Variants in MINDY4 observed in about 807,000 individuals in gnomAD.
The protein encoded by MINDY4 is probable ubiquitin carboxyl-terminal hydrolase MINDY-4.
MINDY4 carries 68 observed loss-of-function variants against 87.0 expected under a neutral mutation model. That is an observed-to-expected ratio of 0.78 (90% confidence interval 0.64 to 0.96). The LOEUF (loss-of-function observed/expected upper bound fraction) is 0.96. Among genes scored for constraint, MINDY4 ranks in the 40% least tolerant of loss-of-function variants. The pLI, the probability that MINDY4 is intolerant of heterozygous loss-of-function variation, is 0.00. For missense variants in MINDY4, 919 were observed against 928.2 expected (o/e 0.99, Z 0.13); for synonymous variants, 379 against 363.2 (o/e 1.04, Z -0.50).
intron 15 of MINDY4, among the ~76,000 whole-genome samples, chr7:30,877,421 C>T (rs1011378966): frequency 2.6e-5 from 4 of 152,330 alleles, no homozygotes; most frequent in African/African-American, 9.6e-5. Context: ...AACCATCTCC[C>T]CTCCTCGTGG....
intron 5 of MINDY4, among the ~76,000 whole-genome samples, chr7:30,804,038 T>A (rs1430241941): frequency 6.6e-6 from 1 of 152,202 alleles, no homozygotes; most frequent in East Asian, 1.9e-4. Flanking sequence ...CCTTCCCTCA[T>A]GACTCTTGGG....
At chr7:30,786,177 T>A in intron 4 of MINDY4, 185 bp downstream of exon 4, 1 of 732,422 alleles carries the variant, frequency 1.4e-6, no homozygotes, top group Non-Finnish European at 2.2e-6. Flanking sequence ...CGTGGGGCCT[T>A]GAGCAGGCCT....
At chr7:30,865,508 C>T (rs1789906428) in intron 13 of MINDY4, among the ~76,000 whole-genome samples, 1 of 152,226 alleles carries the variant, frequency 6.6e-6, no homozygotes, top group South Asian at 2.1e-4. Context: ...TCTCCCTGGT[C>T]CCGTCCCTGG....
At chr7:30,796,031 G>T (rs1348631297) in intron 5 of MINDY4, among the ~76,000 whole-genome samples, 2 of 152,148 alleles carry the variant, frequency 1.3e-5, no homozygotes, top group African/African-American at 4.8e-5. Context: ...AACACATTCA[G>T]GGGGTCTGGG....
intron 1 of MINDY4, among the ~76,000 whole-genome samples, chr7:30,776,537 A>G (rs769193223): frequency 2.0e-5 from 3 of 152,060 alleles, no homozygotes; most frequent in Non-Finnish European, 4.4e-5. Context: ...CTCTCCCCCT[A>G]TAGAGTGCAA....
At chr7:30,813,662 G>A (rs1240028393) in intron 5 of MINDY4, among the ~76,000 whole-genome samples, 3 of 152,212 alleles carry the variant, frequency 2.0e-5, no homozygotes, top group Non-Finnish European at 2.9e-5. Flanking sequence ...CTGGCAGGCC[G>A]GCTCAGGGAC....
intron 12 of MINDY4, chr7:30,858,322 A>G (rs1789641652): frequency 6.6e-6 from 1 of 152,172 alleles, no homozygotes. Context: ...AATGCTTTAT[A>G]AGGATTAACT....
intron 5 of MINDY4, among the ~76,000 whole-genome samples, chr7:30,816,502 A>G (rs985025201): frequency 4.6e-5 from 7 of 152,226 alleles, no homozygotes; most frequent in African/African-American, 1.7e-4. Flanking sequence ...CCCCGACAGA[A>G]CAATGGCTTA....
chr7:30,892,115 A>G lies in MINDY4; in HGVS notation c.*110A>G. 1.7e-6 allele frequency: 2 copies of G among 1,198,890 alleles called. No individual in the cohort carries two copies. The highest frequency in any genetic ancestry group is 2.5e-5 in the South Asian group (2 of 81,576). 74.3% of individuals were successfully genotyped at this position (1,198,890 alleles called of 1,614,324 possible). On this transcript the variant is annotated 3_prime_UTR_variant, in exon 18 of 18. Coordinates refer to ENST00000265299, the MANE Select transcript of MINDY4 (RefSeq NM_032222.3). ...GGTCTCATGTACCCCAACCTGGGTC[A>G]GCATGACTGCAGAAGCATCCAGAGC...
Position 30,791,538 on chromosome 7 carries a change from C to G in MINDY4, c.1037C>G (p.Ala346Gly). Residue 346 changes from alanine (A) to glycine (G), a missense_variant, in exon 5 of 18, where the codon GCG (alanine) becomes GGG (glycine). Ala to Gly is a moderately conservative substitution (Grantham distance 60, BLOSUM62 0). Transcript: ENST00000265299. ...ATGACCCAGGAGAGGCTGGAAAGAGCGTTCAAACGGCAGGGCAGCCAGCCC... is the reference window on the plus strand; with the variant it reads ...ATGACCCAGGAGAGGCTGGAAAGAGGGTTCAAACGGCAGGGCAGCCAGCCC... ...SRMTQERLERAFKRQGSQPAP... is the reference protein window; with the variant it reads ...SRMTQERLERGFKRQGSQPAP... 2.5e-6 allele frequency: 4 copies of G among 1,613,354 alleles called. No homozygotes were observed. The highest frequency in any genetic ancestry group is 3.4e-6 in the Non-Finnish European group (4 of 1,179,548).
At chr7:30,853,976 G>GC (rs112867962) in intron 12 of MINDY4, among the ~76,000 whole-genome samples, 17,171 of 151,962 alleles carry the variant, frequency 0.11, 1,093 homozygotes, top group Middle Eastern at 0.18. Flanking sequence ...GGGCTCTGGA[G>GC]CCCCCCCGCC....
At chr7:30,832,551 G>A (rs768071286) in intron 6 of MINDY4, among the ~76,000 whole-genome samples, 2 of 152,088 alleles carry the variant, frequency 1.3e-5, no homozygotes, top group African/African-American at 2.4e-5. Context: ...TGCCCAGGCT[G>A]GAGTGCAGTG....
At chr7:30,805,517 G>A (rs1230791300) in intron 5 of MINDY4, among the ~76,000 whole-genome samples, 1 of 152,186 alleles carries the variant, frequency 6.6e-6, no homozygotes. Flanking sequence ...CACGTGCTTG[G>A]TGTGGGGCAG....
intron 9 of MINDY4, among the ~76,000 whole-genome samples, chr7:30,845,486 T>G (rs554406010): frequency 6.6e-6 from 1 of 150,504 alleles, no homozygotes; most frequent in Non-Finnish European, 1.5e-5. Flanking sequence ...CTTTTGACTC[T>G]GAAATTCTAG....
chr7:30,848,844 A>G (rs1253779951), intron 9 of MINDY4, among the ~76,000 whole-genome samples: 1 of 152,204 alleles, frequency 6.6e-6, no homozygotes, highest in Non-Finnish European at 1.5e-5. Context: ...TCACTTTCAT[A>G]TTAGATGTTG....
At position 30,782,189 on chromosome 7, in the gene MINDY4, A is replaced by T; in HGVS notation, c.396A>T (p.Ser132=). 1 of 1,612,682 alleles carries T rather than the reference A, an allele frequency of 6.2e-7. No homozygotes were observed. Among genetic ancestry groups the T allele is most frequent in the Non-Finnish European group, 8.5e-7 (1 of 1,179,294 alleles). ...ATGAAGATGCAGGATGGAGAACATC[A>T]TTGTCAGAAACAAGCAAAGCCAGGT... ...LSDEDAGWRT[S]LSETSKARHD... The change falls in exon 3 of 18, where the codon TCA becomes TCT. Residue 132 remains serine (S), a synonymous_variant. Coordinates refer to ENST00000265299, the MANE Select transcript of MINDY4 (RefSeq NM_032222.3).
chr7:30,883,351 G>T (rs1562566519), intron 17 of MINDY4, among the ~76,000 whole-genome samples: 1 of 152,222 alleles, frequency 6.6e-6, no homozygotes, highest in Non-Finnish European at 1.5e-5. Flanking sequence ...TTACCTGAGG[G>T]TGGGGGAGGC....
rs28663287 is a variant in MINDY4 at position 30,775,456 on chromosome 7, C to T, written c.64-2976C>T. Among the ~76,000 whole-genome samples, 842 of 152,304 alleles carry T rather than the reference C, an allele frequency of 5.5e-3. 8 individuals are homozygous for T. The highest frequency in any genetic ancestry group is 0.019 in the African/African-American group (802 of 41,566). ...GTGGAGGGTCATGGAACTTCTGTGC[C>T]GTCTTCAGCATGCTGCCCTCCCAGC... On this transcript the variant is annotated intron_variant, in intron 1 of 17. Transcript: ENST00000265299.
intron 3 of MINDY4, among the ~76,000 whole-genome samples, chr7:30,784,750 C>A: frequency 6.6e-6 from 1 of 152,288 alleles, no homozygotes. Context: ...CAGGCTGGTT[C>A]CAGCCTCTTC....
Sources: gnomAD v4.1 joint callset for allele counts (sites outside exome capture counted in the v4.1 genomes callset) on GRCh38, gnomAD v4.1.1 for gene constraint, MANE v1.5 for transcripts, NCBI Gene and HGNC (gene_info 2026-07-23, HGNC 2026-07-21) for gene names.